PAPPA2: variants seen among roughly 807,000 people sequenced by gnomAD.
The protein encoded by PAPPA2 is pappalysin 2, also known as pappalysin-2.
PAPPA2 carries 86 observed loss-of-function variants against 176.4 expected under a neutral mutation model. The ratio of observed to expected loss-of-function variants is 0.49; its 90% CI spans 0.41 to 0.58. The LOEUF (loss-of-function observed/expected upper bound fraction) is 0.58. Ranked by LOEUF, PAPPA2 falls within the 20% of genes least tolerant of loss-of-function variation. PAPPA2 has a pLI of 0.00. For missense variants in PAPPA2, 2,073 were observed against 2,256.9 expected (o/e 0.92, Z 1.65); for synonymous variants, 809 against 852.2 (o/e 0.95, Z 0.88).
intron 12 of PAPPA2, among the ~76,000 whole-genome samples, chr1:176,722,345 A>G (rs2102850912): frequency 6.6e-6 from 1 of 150,856 alleles, no homozygotes; most frequent in Middle Eastern, 3.5e-3. Flanking sequence ...GACATTTGGT[A>G]AGATTTGGGA....
chr1:176,567,753 A>G (rs10913204), intron 2 of PAPPA2, among the ~76,000 whole-genome samples: 72,614 of 152,048 alleles, frequency 0.48, 20,369 homozygotes, highest in African/African-American at 0.77. Flanking sequence ...TACTGAGAGT[A>G]ACTGGTCCTG....
intron 3 of PAPPA2, among the ~76,000 whole-genome samples, chr1:176,602,357 G>A (rs1168933609): frequency 6.6e-6 from 1 of 152,212 alleles, no homozygotes; most frequent in Non-Finnish European, 1.5e-5. Flanking sequence ...GGATATGGCA[G>A]AGAGTGGAGT....
chr1:176,570,295 G>C (rs574145058), intron 2 of PAPPA2, among the ~76,000 whole-genome samples: 4 of 152,024 alleles, frequency 2.6e-5, no homozygotes, highest in Non-Finnish European at 5.9e-5. Flanking sequence ...ACTCTCTTTT[G>C]GGGGGGTGAA....
At chr1:176,551,870 T>C (rs1041303557) in intron 1 of PAPPA2, among the ~76,000 whole-genome samples, 2 of 152,046 alleles carry the variant, frequency 1.3e-5, no homozygotes, top group African/African-American at 2.4e-5. Flanking sequence ...GGGGAAGATA[T>C]GCTGGAAATG....
intron 1 of PAPPA2, among the ~76,000 whole-genome samples, chr1:176,520,362 T>C (rs1408243519): frequency 6.6e-6 from 1 of 152,140 alleles, no homozygotes; most frequent in African/African-American, 2.4e-5. Context: ...TCAGTTGGGT[T>C]TGGAAACCTG....
chr1:176,573,897 C>T (rs1289502617), intron 2 of PAPPA2, among the ~76,000 whole-genome samples: 2 of 151,674 alleles, frequency 1.3e-5, no homozygotes, highest in African/African-American at 2.4e-5. Context: ...AGTAACTGTT[C>T]TCGTTGTGGA....
rs78730889 is a variant in PAPPA2, at chr1:176,516,217, C to T, written c.-916-39190C>T. Among the ~76,000 whole-genome samples, 742 of 151,886 alleles carry T rather than the reference C, an allele frequency of 4.9e-3. 3 individuals carry two copies. The highest frequency in any genetic ancestry group is 8.4e-3 in the Non-Finnish European group (568 of 67,922). On this transcript the variant is annotated intron_variant, in intron 1 of 22. Transcript: ENST00000367662. ...TCCATGGTTGTTGAGTGTCTCACCA[C>T]AAATGCTGCTAAGATTCCCTTTTCT...
intron 14 of PAPPA2, among the ~76,000 whole-genome samples, chr1:176,764,184 C>T (rs563744188): frequency 2.0e-5 from 3 of 152,262 alleles, no homozygotes; most frequent in African/African-American, 7.2e-5. Context: ...CCACTAGGCC[C>T]CACCTACCAA....
rs80147961 is a variant in PAPPA2 at position 176,549,310 on chromosome 1, T to C, written c.-916-6097T>C. Among the ~76,000 whole-genome samples, 583 of 152,348 alleles carry C rather than the reference T, an allele frequency of 3.8e-3. 2 individuals are homozygous for C. Among genetic ancestry groups the C allele is most frequent in the African/African-American group, 0.013 (552 of 41,586 alleles). On this transcript the variant is annotated intron_variant, in intron 1 of 22. Coordinates refer to ENST00000367662, the MANE Select transcript of PAPPA2 (RefSeq NM_020318.3). Reference sequence around the variant, plus strand: ...TCTTTCAGGACCAAAATAAATGTCATAGGTGCCCACTGCTAATGTAAACTT... The same window carrying C: ...TCTTTCAGGACCAAAATAAATGTCACAGGTGCCCACTGCTAATGTAAACTT...
chr1:176,701,049 CAT>C (rs1553393770), intron 8 of PAPPA2, among the ~76,000 whole-genome samples: 57 of 124,618 alleles, frequency 4.6e-4, no homozygotes, highest in Non-Finnish European at 7.5e-4. Context: ...CACACACACA[CAT>C]ACACACACAC....
chr1:176,613,524 A>G (rs1169473817), intron 3 of PAPPA2, among the ~76,000 whole-genome samples: 2 of 152,178 alleles, frequency 1.3e-5, no homozygotes, highest in African/African-American at 4.8e-5. Context: ...AGAGGACGCT[A>G]TGTCAAAGTC....
chr1:176,556,894 G>T lies in PAPPA2; in HGVS notation c.572G>T (p.Gly191Val). 6.2e-7 allele frequency: 1 copy of T among 1,614,148 alleles called. No individual in the cohort carries two copies. Residue 191 changes from glycine (G) to valine (V), a missense_variant, in exon 2 of 23, where the codon GGC becomes GTC. Physicochemically the swap from Gly to Val is moderately radical, Grantham distance 109 (BLOSUM62 -3). This residue lies in a region of PAPPA2 where 1,196 missense variants were observed against 1,330.4 expected (regional missense o/e 0.90). Coordinates refer to ENST00000367662, the MANE Select transcript of PAPPA2 (RefSeq NM_020318.3). ...NEPKPETQRR[G>V]WAKSRQRRQV... is the part of the protein sequence containing the mutation. ...CCCAAACCAGAGACCCAAAGGAGGG[G>T]CTGGGCCAAGTCCAGGCAGCGTCGC...
intron 2 of PAPPA2, among the ~76,000 whole-genome samples, chr1:176,564,160 C>A: frequency 6.6e-6 from 1 of 152,146 alleles, no homozygotes. Flanking sequence ...GATTTGGGTT[C>A]AATAGGTCTG....
chr1:176,653,248 A>T (rs751502238), intron 3 of PAPPA2, among the ~76,000 whole-genome samples: 1 of 151,652 alleles, frequency 6.6e-6, no homozygotes. Flanking sequence ...TCATCATCTC[A>T]TTCAGCACTC....
rs562791736 is a variant in PAPPA2 at position 176,679,494 on chromosome 1, G to C, written c.2137+8379G>C. Among the ~76,000 whole-genome samples, 8 of 152,194 alleles carry C rather than the reference G, an allele frequency of 5.3e-5. No individual in the cohort carries two copies. The East Asian group carries it at 1.5e-3, about 29-fold the overall frequency. ...GGGTACCTTATTAAACATACTCTTT[G>C]TACAATGAAGGAAATTGATCTAATA... On this transcript the variant is annotated intron_variant, in intron 4 of 22. Transcript: ENST00000367662.
At position 176,842,623 on chromosome 1, in the gene PAPPA2, A is replaced by AG; in HGVS notation, c.*170dup. The AG allele has an allele frequency of 1.6e-6, 1 of 628,634 alleles. No individual in the cohort carries two copies. Among genetic ancestry groups the AG allele is most frequent in the Admixed American group, 3.1e-5 (1 of 32,616 alleles). The allele number at this position is 628,634 out of a possible 1,614,324, so 38.9% of individuals were successfully genotyped here. On this transcript the variant is annotated 3_prime_UTR_variant, in exon 23 of 23. Transcript: ENST00000367662. ...AAGAGGATATTGATAGGTGTGAACTAGTTCATCAAGTAGCCCAAGTAGGAG... is the reference window on the plus strand; with the variant it reads ...AAGAGGATATTGATAGGTGTGAACTAGGTTCATCAAGTAGCCCAAGTAGGAG...
At position 176,554,972 on chromosome 1, in the gene PAPPA2, A is replaced by AGTGTGTGT. The variant is rs561289002; in HGVS notation, c.-916-413_-916-406dup. Reference sequence around the variant, plus strand: ...GCAGTAGGTAGATCTGTTCACAGTAAGTGTGTGTGTGTGTGTGTGTGTGTG... The same window carrying AGTGTGTGT: ...GCAGTAGGTAGATCTGTTCACAGTAAGTGTGTGTGTGTGTGTGTGTGTGTGTGTGTGTG... On this transcript the variant is annotated intron_variant, in intron 1 of 22. Transcript: ENST00000367662. Among the ~76,000 whole-genome samples the AGTGTGTGT allele has an allele frequency of 1.6e-3, 229 of 140,898 alleles. 2 individuals are homozygous for AGTGTGTGT. The highest frequency in any genetic ancestry group is 3.9e-3 in the African/African-American group (148 of 37,916). 92.4% of individuals were successfully genotyped at this position (140,898 alleles called of 152,430 possible). A position where few individuals can be genotyped will look rare whatever the true frequency, so the allele number is the denominator to read the frequency against.
In PAPPA2 at chr1:176,739,684, G is replaced by T; in HGVS notation, c.3857G>T (p.Gly1286Val). 6.2e-7 allele frequency: 1 copy of T among 1,613,612 alleles called. No homozygotes were observed. Among genetic ancestry groups the T allele is most frequent in the Non-Finnish European group, 8.5e-7 (1 of 1,179,754 alleles). Residue 1286 changes from glycine to valine, a missense_variant, in exon 13 of 23, where the codon GGC becomes GTC. This residue lies in a region of PAPPA2 where 846 missense variants were observed against 857.9 expected (regional missense o/e 0.99). Transcript: ENST00000367662. Reference sequence around the variant, plus strand: ...ATTTTTATTTTTTTGACAACTGATGGCCTAGTTCCCGGAGAGCATCAGCAG... The same window carrying T: ...ATTTTTATTTTTTTGACAACTGATGTCCTAGTTCCCGGAGAGCATCAGCAG... Reference protein sequence around the residue: ...RAIFIFLTTDGLVPGEHQQPT... With the variant: ...RAIFIFLTTDVLVPGEHQQPT...
chr1:176,702,406 G>T (rs146297740), intron 8 of PAPPA2, among the ~76,000 whole-genome samples: 8 of 152,348 alleles, frequency 5.3e-5, no homozygotes, highest in African/African-American at 1.9e-4. Context: ...ACGCACAGGG[G>T]ATACAGAAAT....
Sources: allele counts gnomAD v4.1 joint callset (sites outside exome capture counted in the v4.1 genomes callset), GRCh38; gene constraint gnomAD v4.1.1; regional missense constraint gnomAD v4.1.1; transcripts MANE v1.5; gene names NCBI Gene and HGNC (gene_info 2026-07-23, HGNC 2026-07-21).